The following STK32B variants were observed in gnomAD, a reference collection of about 807,000 sequenced individuals.
STK32B encodes the protein serine/threonine kinase 32B, also known as serine/threonine-protein kinase 32B.
In STK32B, 43 loss-of-function variants were observed where a neutral mutation model predicts 52.6. That is an observed-to-expected ratio of 0.82 (90% CI 0.64 to 1.05). STK32B has a LOEUF of 1.05. Among genes scored for constraint, STK32B ranks in the 50% least tolerant of loss-of-function variants. The pLI is 0.00. For synonymous variants in STK32B, 238 were observed against 204.3 expected, an observed-to-expected ratio of 1.17 and a Z score of -1.41; for missense variants, 621 against 534.6, an observed-to-expected ratio of 1.16 and a Z score of -1.59.
intron 3 of STK32B, among the ~76,000 whole-genome samples, chr4:5,183,092 A>AT (rs1378080828): frequency 1.3e-5 from 2 of 152,154 alleles, no homozygotes; most frequent in African/African-American, 4.8e-5. Context: ...GGACCCTGGG[A>AT]TTTTTTGAAT....
intron 3 of STK32B, among the ~76,000 whole-genome samples, chr4:5,239,967 AT>A (rs2108815836): frequency 6.6e-6 from 1 of 151,886 alleles, no homozygotes; most frequent in East Asian, 1.9e-4. Flanking sequence ...CTGGCCAATC[AT>A]ACAAGGGTTA....
chr4:5,192,616 A>G (rs1174305975), intron 3 of STK32B, among the ~76,000 whole-genome samples: 1 of 152,232 alleles, frequency 6.6e-6, no homozygotes. Flanking sequence ...AACATTGTAT[A>G]TATTTATGGC....
intron 7 of STK32B, among the ~76,000 whole-genome samples, chr4:5,454,488 G>A (rs954337328): frequency 1.1e-4 from 17 of 152,000 alleles, no homozygotes; most frequent in Admixed American, 6.6e-4. Context: ...CTCAGGTCAC[G>A]TAGAATTAGG....
the STK32B span, among the ~76,000 whole-genome samples, chr4:5,025,495 C>T: frequency 2.6e-3 from 391 of 152,300 alleles, 4 homozygotes; most frequent in Non-Finnish European, 4.6e-3. Flanking sequence ...GCTCCTAACT[C>T]ATTGGTGTGT....
intron 11 of STK32B, among the ~76,000 whole-genome samples, 176 bp from the exon 12 acceptor site, chr4:5,498,769 G>A (rs112001779): frequency 2.6e-5 from 4 of 152,196 alleles, no homozygotes; most frequent in Non-Finnish European, 5.9e-5. Flanking sequence ...GCTTTGATCC[G>A]AGGCCCATCT....
intron 1 of STK32B, among the ~76,000 whole-genome samples, chr4:5,124,957 T>G (rs1249532730): frequency 1.3e-5 from 2 of 152,182 alleles, no homozygotes; most frequent in South Asian, 4.1e-4. Context: ...ACAGGAACTC[T>G]CTCAAAGCAG....
intron 2 of STK32B, among the ~76,000 whole-genome samples, chr4:5,152,367 C>T (rs1053744832): frequency 1.3e-5 from 2 of 151,904 alleles, no homozygotes; most frequent in South Asian, 2.1e-4. Flanking sequence ...ACATCACTAG[C>T]CTCACCCTGG....
chr4:5,296,982 A>G (rs922623238), intron 3 of STK32B, among the ~76,000 whole-genome samples: 34 of 152,172 alleles, frequency 2.2e-4, no homozygotes, highest in African/African-American at 7.7e-4. Flanking sequence ...GGTGGTGACA[A>G]AATCCCTCAG....
intron 3 of STK32B, among the ~76,000 whole-genome samples, chr4:5,297,167 C>T (rs1274934240): frequency 1.3e-5 from 2 of 152,148 alleles, no homozygotes; most frequent in East Asian, 3.9e-4. Flanking sequence ...GATGGGCTTC[C>T]CTTTGTAGGT....
At chr4:5,370,064 C>T (rs1185817239) in intron 4 of STK32B, among the ~76,000 whole-genome samples, 2 of 151,792 alleles carry the variant, frequency 1.3e-5, no homozygotes, top group African/African-American at 4.9e-5. Context: ...TTAGTAGAGA[C>T]GGGGTTTCAC....
chr4:5,048,672 C>T (rs1167193975), upstream of STK32B, among the ~76,000 whole-genome samples: 5 of 152,364 alleles, frequency 3.3e-5, no homozygotes, highest in Admixed American at 3.3e-4. Context: ...AAGTGATCCT[C>T]CCACCTAGGC....
At chr4:5,325,236 C>T (rs1004917740) in intron 3 of STK32B, among the ~76,000 whole-genome samples, 1 of 152,196 alleles carries the variant, frequency 6.6e-6, no homozygotes, top group Non-Finnish European at 1.5e-5. Context: ...TGGTTCACCA[C>T]ATTACAGAAC....
intron 3 of STK32B, among the ~76,000 whole-genome samples, chr4:5,229,540 CTTT>C (rs1033975954): frequency 7.9e-5 from 12 of 152,156 alleles, no homozygotes; most frequent in African/African-American, 2.9e-4. Context: ...TCAGTTTCAC[CTTT>C]TCCAGCACAG....
intron 11 of STK32B, among the ~76,000 whole-genome samples, chr4:5,494,617 G>GTT (rs1720056457): frequency 6.6e-6 from 1 of 152,008 alleles, no homozygotes; most frequent in African/African-American, 2.4e-5. Context: ...ATCCTGTCAT[G>GTT]ATGATGTTAG....
rs763963831 is a variant in STK32B, at chr4:5,408,026, C to G, written c.473-8819C>G. Among the ~76,000 whole-genome samples, 57 of 152,232 alleles carry G rather than the reference C, an allele frequency of 3.7e-4. 1 individual carries two copies. The highest frequency in any genetic ancestry group is 6.3e-4 in the Non-Finnish European group (43 of 68,022). On this transcript the variant is annotated intron_variant, in intron 5 of 11. Transcript: ENST00000282908. ...CCACCTCTGAACCAGGAAGCAGGCC[C>G]TCCACAGACACCAAATCTGTCAGGG...
chr4:5,269,875 G>A (rs1181560686), intron 3 of STK32B, among the ~76,000 whole-genome samples: 1 of 149,792 alleles, frequency 6.7e-6, no homozygotes, highest in Non-Finnish European at 1.5e-5. Context: ...ATTCTTTACA[G>A]TATTTTAGAA....
At chr4:5,035,189 T>G in the STK32B span, among the ~76,000 whole-genome samples, 1 of 152,164 alleles carries the variant, frequency 6.6e-6, no homozygotes, top group Non-Finnish European at 1.5e-5. Flanking sequence ...ACCACACACC[T>G]TTTCCTTTTC....
At chr4:5,119,710 C>A (rs1359035851) in intron 1 of STK32B, among the ~76,000 whole-genome samples, 1 of 152,188 alleles carries the variant, frequency 6.6e-6, no homozygotes, top group Non-Finnish European at 1.5e-5. Context: ...ACTTTTAGTT[C>A]TGAAGGAATG....
chr4:5,200,414 C>G (rs1722043133), intron 3 of STK32B, among the ~76,000 whole-genome samples: 1 of 152,096 alleles, frequency 6.6e-6, no homozygotes, highest in South Asian at 2.1e-4. Flanking sequence ...AAATAAGTGA[C>G]TCTATTTTTA....
Sources: allele counts gnomAD v4.1 joint callset (sites outside exome capture counted in the v4.1 genomes callset), GRCh38; gene constraint gnomAD v4.1.1; transcripts MANE v1.5; gene names NCBI Gene and HGNC (gene_info 2026-07-23, HGNC 2026-07-21).